MAN1C1: variants seen among roughly 807,000 people sequenced by gnomAD.
MAN1C1 encodes mannosyl-oligosaccharide 1,2-alpha-mannosidase IC.
MAN1C1 carries 49 observed loss-of-function variants against 71.5 expected under a neutral mutation model. The observed-to-expected ratio is 0.69, with a 90% CI of 0.54 to 0.87. The LOEUF (loss-of-function observed/expected upper bound fraction) is 0.87, where lower values mean the gene tolerates loss of function less well. Among genes scored for constraint, MAN1C1 ranks in the 40% least tolerant of loss-of-function variants. The pLI is 0.00. For missense variants in MAN1C1, 743 were observed against 835.0 expected, an observed-to-expected ratio of 0.89 and a Z score of 1.36; for synonymous variants, 352 against 343.7, an observed-to-expected ratio of 1.02 and a Z score of -0.27.
chr1:25,719,664 G>A (rs3117042), intron 2 of MAN1C1, among the ~76,000 whole-genome samples: 24,859 of 151,974 alleles, frequency 0.16, 2,554 homozygotes, highest in African/African-American at 0.29. Flanking sequence ...CTTGCCTCAA[G>A]TGATCCTCCT....
At chr1:25,763,486 CAAAA>C (rs60144894) in intron 6 of MAN1C1, among the ~76,000 whole-genome samples, 5,035 of 87,622 alleles carry the variant, frequency 0.057, 257 homozygotes, top group African/African-American at 0.19. Flanking sequence ...GAGACTGTCT[CAAAA>C]AAAAAAAAAA....
chr1:25,679,954 T>A (rs80313397), intron 1 of MAN1C1, among the ~76,000 whole-genome samples: 16,764 of 87,766 alleles, frequency 0.19, 1,327 homozygotes, highest in East Asian at 0.33. Flanking sequence ...AAAAAAAATA[T>A]ATATATATAT....
At chr1:25,627,284 C>G (rs867430192) in intron 1 of MAN1C1, among the ~76,000 whole-genome samples, 12 of 146,478 alleles carry the variant, frequency 8.2e-5, no homozygotes, top group African/African-American at 1.3e-4. Flanking sequence ...CTCTTGTCTT[C>G]TCTTCTTCTC....
chr1:25,735,905 C>T lies in MAN1C1; in HGVS notation c.638-10763C>T, dbSNP rs1423996094. Among the ~76,000 whole-genome samples the T allele has an allele frequency of 6.6e-6, 1 of 152,186 alleles. No individual in the cohort carries two copies. The highest frequency in any genetic ancestry group is 2.4e-5 in the African/African-American group (1 of 41,440). ...TCAAGGGCAGAGTTTAATTCCCCAC[C>T]CACTATGAAGCCAAAGCAAGTTACA... On this transcript the variant is annotated intron_variant, in intron 2 of 11. Transcript: ENST00000374332. The surrounding 1 kb of genome is among the most constrained non-coding windows in gnomAD (Gnocchi z 4.6).
At chr1:25,749,157 C>A in intron 3 of MAN1C1, 98 bp from the exon 4 acceptor site, 1 of 908,742 alleles carries the variant, frequency 1.1e-6, no homozygotes, top group Non-Finnish European at 1.7e-6. Flanking sequence ...GAGCCGGGGA[C>A]AGGTATGGGA....
intron 1 of MAN1C1, among the ~76,000 whole-genome samples, chr1:25,650,466 C>T (rs539130964): frequency 1.3e-5 from 2 of 152,310 alleles, no homozygotes; most frequent in South Asian, 2.1e-4. Context: ...TCTACTTCCA[C>T]GTAACTCTTG....
intron 4 of MAN1C1, among the ~76,000 whole-genome samples, chr1:25,750,856 G>A (rs1262859065): frequency 6.6e-6 from 1 of 152,170 alleles, no homozygotes; most frequent in Non-Finnish European, 1.5e-5. Flanking sequence ...AGTGGAGATG[G>A]CCTGCAGGAA....
At chr1:25,623,646 A>T (rs890754410) in intron 1 of MAN1C1, among the ~76,000 whole-genome samples, 4 of 152,244 alleles carry the variant, frequency 2.6e-5, no homozygotes, top group Non-Finnish European at 5.9e-5. Context: ...GAAAAAAATA[A>T]ATCAGTCTTG....
At chr1:25,722,547 A>G (rs1367197891) in intron 2 of MAN1C1, among the ~76,000 whole-genome samples, 1 of 152,090 alleles carries the variant, frequency 6.6e-6, no homozygotes, top group Non-Finnish European at 1.5e-5. Context: ...CTGTGTATTT[A>G]TTTCCAAGAG....
intron 1 of MAN1C1, among the ~76,000 whole-genome samples, chr1:25,635,441 T>C (rs1038992870): frequency 3.7e-5 from 5 of 133,476 alleles, no homozygotes; most frequent in African/African-American, 7.6e-5. Flanking sequence ...TTTCTTTCTT[T>C]TTTTTTTTTT....
chr1:25,628,664 A>C (rs1198634050), intron 1 of MAN1C1, among the ~76,000 whole-genome samples: 1 of 152,180 alleles, frequency 6.6e-6, no homozygotes, highest in Non-Finnish European at 1.5e-5. Flanking sequence ...ACATGGATGA[A>C]TTATATAGTG....
At chr1:25,717,617 C>G (rs2046699660) in intron 2 of MAN1C1, among the ~76,000 whole-genome samples, 1 of 150,938 alleles carries the variant, frequency 6.6e-6, no homozygotes, top group Non-Finnish European at 1.5e-5. Context: ...CTCTTGTTGC[C>G]CAGGCTGGAG....
rs146475237 is a variant in MAN1C1 at position 25,744,076 on chromosome 1, C to A, written c.638-2592C>A. ...AATGAAGGGGTAGGGGCAGCAGGATCCCCCAGATTCTTCCAGGCCCTTCAA... is the reference window on the plus strand; with the variant it reads ...AATGAAGGGGTAGGGGCAGCAGGATACCCCAGATTCTTCCAGGCCCTTCAA... On this transcript the variant is annotated intron_variant, in intron 2 of 11. Coordinates refer to ENST00000374332, the MANE Select transcript of MAN1C1 (RefSeq NM_020379.4). 3.0e-4 allele frequency among the ~76,000 whole-genome samples: 45 copies of A among 152,296 alleles called. No individual in the cohort carries two copies. The East Asian group carries it at 8.5e-3, about 29-fold the overall frequency.
chr1:25,767,267 ACAC>A (rs2047442792), intron 7 of MAN1C1, among the ~76,000 whole-genome samples: 2 of 137,148 alleles, frequency 1.5e-5, no homozygotes, highest in South Asian at 4.8e-4. Flanking sequence ...CCTCACACAC[ACAC>A]ATTACACACT....
chr1:25,673,319 G>A (rs1471728212), intron 1 of MAN1C1, among the ~76,000 whole-genome samples: 1 of 152,158 alleles, frequency 6.6e-6, no homozygotes, highest in Non-Finnish European at 1.5e-5. Context: ...ACCCAGAGAA[G>A]GCAGGCACGG....
intron 2 of MAN1C1, among the ~76,000 whole-genome samples, chr1:25,689,950 C>T (rs1252294134): frequency 6.6e-6 from 1 of 152,164 alleles, no homozygotes; most frequent in African/African-American, 2.4e-5. Context: ...CACACAGGTG[C>T]CTAGTTTTGC....
intron 1 of MAN1C1, among the ~76,000 whole-genome samples, chr1:25,685,853 G>GT (rs1163282235): frequency 1.3e-5 from 2 of 152,144 alleles, no homozygotes; most frequent in African/African-American, 4.8e-5. Flanking sequence ...GCCAGGGCAG[G>GT]TCAAAGGAGT....
At chr1:25,685,141 C>T (rs906761572) in intron 1 of MAN1C1, among the ~76,000 whole-genome samples, 4 of 152,168 alleles carry the variant, frequency 2.6e-5, no homozygotes, top group South Asian at 2.1e-4. Flanking sequence ...TGTGTCTGGT[C>T]GGAAACTGGG....
intron 1 of MAN1C1, among the ~76,000 whole-genome samples, chr1:25,664,149 C>T (rs992867152): frequency 3.9e-5 from 6 of 152,154 alleles, no homozygotes; most frequent in African/African-American, 1.4e-4. Context: ...GCCCTCCACA[C>T]GCTCTGTGGT....
Sources: gnomAD v4.1 joint callset for allele counts (sites outside exome capture counted in the v4.1 genomes callset) on GRCh38, gnomAD v4.1.1 for gene constraint, Gnocchi (gnomAD v3.1) non-coding constraint, MANE v1.5 for transcripts, NCBI Gene and HGNC (gene_info 2026-07-23, HGNC 2026-07-21) for gene names.